Variants in SLC6A13 observed in about 807,000 individuals in gnomAD.
SLC6A13 encodes the protein solute carrier family 6 member 13.
A neutral mutation model predicts 72.9 loss-of-function variants in SLC6A13; 69 were observed. The ratio of observed to expected loss-of-function variants is 0.95; its 90% CI spans 0.78 to 1.16. The LOEUF is 1.16. Among genes scored for constraint, SLC6A13 ranks in the 50% most tolerant of loss-of-function variants. SLC6A13 has a pLI of 0.00. For synonymous variants in SLC6A13, 303 were observed against 303.0 expected, an observed-to-expected ratio of 1.00 and a Z score of 0.00; for missense variants, 735 against 760.5, an observed-to-expected ratio of 0.97 and a Z score of 0.39.
chr12:223,122 A>G lies in SLC6A13; in HGVS notation c.1414+10T>C. The G allele has an allele frequency of 1.3e-6, 2 of 1,559,556 alleles. No individual in the cohort carries two copies. Among genetic ancestry groups the G allele is most frequent in the Non-Finnish European group, 1.8e-6 (2 of 1,130,686 alleles). ...GGAGGATGCTGGGACCTAGGGGAGG[A>G]GTCACTCACCGTAAACCCAAGCCAC... On this transcript the variant is annotated intron_variant, in intron 12 of 14. Coordinates refer to ENST00000343164, the MANE Select transcript of SLC6A13 (RefSeq NM_016615.5).
intron 2 of SLC6A13, among the ~76,000 whole-genome samples, chr12:250,286 CT>C (rs1254258099): frequency 6.6e-6 from 1 of 152,122 alleles, no homozygotes; most frequent in Admixed American, 6.5e-5. Flanking sequence ...GCCATAGAAT[CT>C]AGCCAATAAG....
chr12:243,531 C>T (rs1942242701), intron 3 of SLC6A13, 148 bp downstream of exon 3: 2 of 722,556 alleles, frequency 2.8e-6, no homozygotes. Flanking sequence ...CTGACTAGCT[C>T]AGTATGCAGC....
chr12:222,397 A>G, intron 13 of SLC6A13, 135 bp downstream of exon 13: 1 of 576,212 alleles, frequency 1.7e-6, no homozygotes, highest in Admixed American at 3.3e-5. Flanking sequence ...AGAATCCAAA[A>G]GGAGGATGAG....
In SLC6A13 at chr12:221,550, A is replaced by T; in HGVS notation, c.1516-4T>A. The T allele has an allele frequency of 3.7e-6, 5 of 1,352,196 alleles. No individual in the cohort carries two copies. Among genetic ancestry groups the T allele is most frequent in the Non-Finnish European group, 5.0e-6 (5 of 997,424 alleles). 83.8% of individuals were successfully genotyped at this position (1,352,196 alleles called of 1,614,324 possible). A position where few individuals can be genotyped will look rare whatever the true frequency, so the allele number is the denominator to read the frequency against. ...TCAGGGAGAAGAGAAAGGTGGCCTG[A>T]GGGGGAGAGCAGAAGAGAAAGGGGT... On this transcript the variant is annotated splice_polypyrimidine_tract_variant and splice_region_variant and intron_variant, in intron 13 of 14. Coordinates refer to ENST00000343164, the MANE Select transcript of SLC6A13 (RefSeq NM_016615.5).
At chr12:251,005 A>C (rs1433600473) in intron 2 of SLC6A13, among the ~76,000 whole-genome samples, 1 of 151,876 alleles carries the variant, frequency 6.6e-6, no homozygotes, top group South Asian at 2.1e-4. Context: ...AAATACAAAA[A>C]ATTAGCCGGG....
At chr12:256,631 C>T (rs950294544) in intron 2 of SLC6A13, 4 of 152,220 alleles carry the variant, frequency 2.6e-5, no homozygotes, top group African/African-American at 9.6e-5. Context: ...AGATCTACCA[C>T]ATGTTGACGC....
chr12:244,311 G>A (rs1035946346), intron 2 of SLC6A13, among the ~76,000 whole-genome samples: 15 of 152,152 alleles, frequency 9.9e-5, no homozygotes, highest in East Asian at 3.9e-4. Context: ...GTGTTGGGAC[G>A]TGGAGCCTAA....
intron 6 of SLC6A13, among the ~76,000 whole-genome samples, chr12:236,184 T>C (rs964219936): frequency 3.9e-5 from 6 of 152,234 alleles, no homozygotes; most frequent in African/African-American, 1.4e-4. Flanking sequence ...TGATCTTTGT[T>C]AGACACTTAT....
In SLC6A13 at chr12:244,783, G is replaced by A. The variant is rs979553416; in HGVS notation, c.203-970C>T. Among the ~76,000 whole-genome samples, 2 of 152,108 alleles carry A rather than the reference G, an allele frequency of 1.3e-5. 1 individual carries two copies. The highest frequency in any genetic ancestry group is 4.8e-5 in the African/African-American group (2 of 41,418). On this transcript the variant is annotated intron_variant, in intron 2 of 14. Transcript: ENST00000343164. ...GCCATGGGCTGACACAAAGAAGAAG[G>A]CCCTCACCAGAGGTGGACTGCTTGC...
intron 14 of SLC6A13, 85 bp downstream of exon 14, chr12:221,291 G>T (rs1020919400): frequency 2.1e-6 from 3 of 1,417,292 alleles, no homozygotes; most frequent in Admixed American, 4.5e-5. Context: ...ACACAACGGT[G>T]TGCGCCCTGG....
At chr12:243,050 C>T (rs1412649486) in intron 3 of SLC6A13, among the ~76,000 whole-genome samples, 2 of 150,906 alleles carry the variant, frequency 1.3e-5, no homozygotes, top group East Asian at 3.9e-4. Context: ...GCTCTTGTCA[C>T]CCAGGCTGGA....
chr12:227,274 T>A (rs562737214), intron 8 of SLC6A13, among the ~76,000 whole-genome samples: 77 of 152,316 alleles, frequency 5.1e-4, no homozygotes, highest in African/African-American at 1.6e-3. Context: ...TCAGGCTTGC[T>A]TACCCAGCAC....
chr12:221,283 A>G, intron 14 of SLC6A13, 93 bp downstream of exon 14: 1 of 1,392,300 alleles, frequency 7.2e-7, no homozygotes, highest in Non-Finnish European at 9.6e-7. Context: ...GCACCTCCAC[A>G]CAACGGTGTG....
chr12:233,089 C>T (rs1021811916), intron 7 of SLC6A13, among the ~76,000 whole-genome samples: 3 of 152,222 alleles, frequency 2.0e-5, no homozygotes, highest in African/African-American at 7.2e-5. Context: ...GGGAGCCACC[C>T]GCCCTTATGT....
chr12:245,031 C>T (rs1366730139), intron 2 of SLC6A13, among the ~76,000 whole-genome samples: 1 of 152,178 alleles, frequency 6.6e-6, no homozygotes, highest in Non-Finnish European at 1.5e-5. Context: ...CAGCACAGTT[C>T]ATAGGACACA....
chr12:255,424 A>G (rs1026067982), intron 2 of SLC6A13, among the ~76,000 whole-genome samples: 1 of 152,220 alleles, frequency 6.6e-6, no homozygotes, highest in African/African-American at 2.4e-5. Context: ...GTCCGGGCGC[A>G]GTGGCTCATG....
chr12:256,332 G>C (rs147847171), intron 2 of SLC6A13: 1 of 152,154 alleles, frequency 6.6e-6, no homozygotes, highest in African/African-American at 2.4e-5. Flanking sequence ...CTGAGTATGC[G>C]CCGAGGCAAT....
chr12:224,622 A>G (rs1941364069), intron 9 of SLC6A13, 109 bp from the exon 10 acceptor site: 1 of 823,392 alleles, frequency 1.2e-6, no homozygotes, highest in East Asian at 2.7e-5. Flanking sequence ...GCTAGAGGAA[A>G]CTTCACCCCA....
At chr12:245,124 G>A (rs1942303257) in intron 2 of SLC6A13, among the ~76,000 whole-genome samples, 1 of 152,208 alleles carries the variant, frequency 6.6e-6, no homozygotes, top group Non-Finnish European at 1.5e-5. Context: ...ACTAGTCAGT[G>A]CATATGTGTG....
Sources: gnomAD v4.1 joint callset for allele counts (sites outside exome capture counted in the v4.1 genomes callset) on GRCh38, gnomAD v4.1.1 for gene constraint, MANE v1.5 for transcripts, NCBI Gene and HGNC (gene_info 2026-07-23, HGNC 2026-07-21) for gene names.